The following ADGRE2 variants were observed in gnomAD, a reference collection of about 807,000 sequenced individuals.
ADGRE2 encodes the protein adhesion G protein-coupled receptor E2.
ADGRE2 carries 83 observed loss-of-function variants against 100.8 expected under a neutral mutation model. That is an observed-to-expected ratio of 0.82 (90% CI 0.69 to 0.99). The LOEUF is 0.99. ADGRE2 is among the 50% of genes least tolerant of loss of function. The pLI is 0.00. For missense variants in ADGRE2, 814 were observed against 1,035.7 expected, an observed-to-expected ratio of 0.79 and a Z score of 2.94; for synonymous variants, 355 against 413.0, an observed-to-expected ratio of 0.86 and a Z score of 1.70.
the ADGRE2 span, among the ~76,000 whole-genome samples, chr19:14,724,794 G>T: frequency 6.6e-6 from 1 of 152,048 alleles, no homozygotes; most frequent in African/African-American, 2.4e-5. Flanking sequence ...TTAAAAATTT[G>T]GCTATTCCTC....
intron 10 of ADGRE2, 66 bp from the exon 11 acceptor site, chr19:14,764,676 G>T: frequency 2.0e-6 from 3 of 1,482,482 alleles, no homozygotes; most frequent in Non-Finnish European, 9.1e-7. Flanking sequence ...GACTCCAACC[G>T]CTCAGCCCCA....
chr19:14,766,758 G>A (rs888197930), intron 6 of ADGRE2, among the ~76,000 whole-genome samples: 2 of 152,222 alleles, frequency 1.3e-5, no homozygotes, highest in Admixed American at 1.3e-4. Flanking sequence ...GTGAGGTCTG[G>A]GGGCCCACAA....
At chr19:14,763,867 CTCCTCCTCCCGTCCTCTTCCTCTTG>C (rs2043845060) in intron 11 of ADGRE2, among the ~76,000 whole-genome samples, 1 of 132,292 alleles carries the variant, frequency 7.6e-6, no homozygotes, top group South Asian at 2.6e-4. Flanking sequence ...CCATCCTGTC[CTCCTCCTCCCGTCCTCTTCCTCTTG>C]TCCTCCTCCT....
rs58743625 is a variant in ADGRE2 at position 14,750,135 on chromosome 19, G to A, written c.2024+1301C>T. Among the ~76,000 whole-genome samples the A allele has an allele frequency of 3.6e-5, 2 of 56,106 alleles. 1 individual carries two copies. Among genetic ancestry groups the A allele is most frequent in the African/African-American group, 3.1e-4 (2 of 6,518 alleles). The allele number at this position is 56,106 out of a possible 152,430, so 36.8% of individuals were successfully genotyped here. A position where few individuals can be genotyped will look rare whatever the true frequency, so the allele number is the denominator to read the frequency against. On this transcript the variant is annotated intron_variant, in intron 16 of 20. Transcript: ENST00000315576. ...ACATAATTATTTATAGCTATGTTAT[G>A]TAATTATTCATAGTTACATAATTAT... is the stretch of plus-strand genomic sequence containing the variant.
chr19:14,764,901 T>C (rs145099217), intron 10 of ADGRE2, among the ~76,000 whole-genome samples: 260 of 152,078 alleles, frequency 1.7e-3, no homozygotes, highest in East Asian at 9.3e-3. Context: ...CCTGTAATCC[T>C]AGCTACTCAG....
chr19:14,770,681 T>TTCTTTTTC (rs1568623305), intron 5 of ADGRE2, among the ~76,000 whole-genome samples: 2 of 126,372 alleles, frequency 1.6e-5, no homozygotes, highest in African/African-American at 6.0e-5. Context: ...TTTTTTTTTT[T>TTCTTTTTC]TTTTTTTTTT....
chr19:14,769,949 C>T (rs1000412058), intron 5 of ADGRE2, among the ~76,000 whole-genome samples: 5 of 152,160 alleles, frequency 3.3e-5, no homozygotes, highest in African/African-American at 7.2e-5. Context: ...CCGCCCACCT[C>T]GGCCTCCCAA....
At position 14,755,010 on chromosome 19, in the gene ADGRE2, A is replaced by T; in HGVS notation, c.1534T>A (p.Cys512Ser). 1.2e-6 allele frequency: 2 copies of T among 1,614,186 alleles called. No homozygotes were observed. Among genetic ancestry groups the T allele is most frequent in the Non-Finnish European group, 1.7e-6 (2 of 1,180,042 alleles). ...TIGTRDTSTICRCTHLSSFAV... is the reference protein window; with the variant it reads ...TIGTRDTSTISRCTHLSSFAV... ...AAGCTGCTCAGGTGGGTGCAACGGC[A>T]GATGGTGCTGGTGTCTCTGGTGCCT... Residue 512 changes from cysteine to serine, a missense_variant, in exon 14 of 21, where the codon TGC becomes AGC. Physicochemically the swap from Cys to Ser is moderately radical, Grantham distance 112. Coordinates refer to ENST00000315576, the MANE Select transcript of ADGRE2 (RefSeq NM_013447.4).
rs778614484 is a variant in ADGRE2 at position 14,752,456 on chromosome 19, G to A, written c.1661C>T (p.Ala554Val). The change falls in exon 15 of 21, where the codon GCG becomes GTG. Residue 554 changes from alanine (A) to valine (V), a missense_variant. Ala to Val is a moderately conservative substitution (Grantham distance 64, BLOSUM62 0). Coordinates refer to ENST00000315576, the MANE Select transcript of ADGRE2 (RefSeq NM_013447.4). ...LSVSLLCLLL[A>V]ALTFLLCKAI... ...TTTACACAGGAGAAAAGTGAGGGCCGCCAGGAGGAGGCACAGCAGAGAGAC... is the reference window on the plus strand; with the variant it reads ...TTTACACAGGAGAAAAGTGAGGGCCACCAGGAGGAGGCACAGCAGAGAGAC... 27 of 1,613,998 alleles carry A rather than the reference G, an allele frequency of 1.7e-5. No individual in the cohort carries two copies. Among genetic ancestry groups the A allele is most frequent in the Admixed American group, 1.5e-4 (9 of 59,982 alleles).
At chr19:14,746,472 G>C (rs951498896) in intron 17 of ADGRE2, 149 bp from the exon 18 acceptor site, 2 of 592,624 alleles carry the variant, frequency 3.4e-6, no homozygotes, top group South Asian at 2.0e-5. Context: ...TCCCGGGTTC[G>C]AGCGATTCTC....
intron 20 of ADGRE2, chr19:14,741,805 C>T (rs1195141884): frequency 2.7e-6 from 1 of 373,188 alleles, no homozygotes; most frequent in African/African-American, 2.1e-5. Context: ...ACATTTGACA[C>T]AAATCCAAGT....
chr19:14,761,696 C>T (rs1298820059), intron 11 of ADGRE2, among the ~76,000 whole-genome samples: 2 of 152,136 alleles, frequency 1.3e-5, no homozygotes, highest in South Asian at 2.1e-4. Context: ...TTGAAAATGG[C>T]GGCTCCATCT....
intron 11 of ADGRE2, among the ~76,000 whole-genome samples, chr19:14,761,667 C>G (rs2043729287): frequency 6.6e-6 from 1 of 152,038 alleles, no homozygotes; most frequent in Non-Finnish European, 1.5e-5. Flanking sequence ...TAGGAAAAGG[C>G]CACCTGGGAC....
At chr19:14,773,099 C>G (rs8106045) in intron 4 of ADGRE2, among the ~76,000 whole-genome samples, 4 of 72,116 alleles carry the variant, frequency 5.5e-5, no homozygotes, top group African/African-American at 2.3e-4. Context: ...AAAAAAAAAA[C>G]AAAAAAAAAA....
downstream of ADGRE2, chr19:14,731,858 T>C (rs2042674049): frequency 6.6e-6 from 1 of 152,184 alleles, no homozygotes; most frequent in African/African-American, 2.4e-5. Flanking sequence ...ATGGACTTAA[T>C]AAATTTAAAA....
At chr19:14,730,702 G>A (rs897417683), downstream of ADGRE2, among the ~76,000 whole-genome samples, 3 of 151,922 alleles carry the variant, frequency 2.0e-5, no homozygotes, top group Non-Finnish European at 4.4e-5. Context: ...TACACGTTTA[G>A]GTTTGTTACA....
chr19:14,758,923 T>C (rs2043600432), intron 11 of ADGRE2, among the ~76,000 whole-genome samples: 1 of 149,408 alleles, frequency 6.7e-6, no homozygotes, highest in South Asian at 2.1e-4. Context: ...CTCCCTCTCC[T>C]GCAGAGAGAC....
At chr19:14,726,146 C>T in the ADGRE2 span, among the ~76,000 whole-genome samples, 1 of 152,230 alleles carries the variant, frequency 6.6e-6, no homozygotes, top group Non-Finnish European at 1.5e-5. Context: ...CAGCTTGCAA[C>T]CTGCAGAGCT....
At chr19:14,770,669 C>CTTTTCTTTTTCTTTTTTTTT (rs1380079488) in intron 5 of ADGRE2, among the ~76,000 whole-genome samples, 2 of 85,010 alleles carry the variant, frequency 2.4e-5, no homozygotes, top group Admixed American at 1.3e-4. Flanking sequence ...TCTTTCTTTT[C>CTTTTCTTTTTCTTTTTTTTT]TTTTTTTTTT....
Sources: gnomAD v4.1 joint callset for allele counts (sites outside exome capture counted in the v4.1 genomes callset) on GRCh38, gnomAD v4.1.1 for gene constraint, MANE v1.5 for transcripts, NCBI Gene and HGNC (gene_info 2026-07-23, HGNC 2026-07-21) for gene names.